GSE1: variants seen among roughly 807,000 people sequenced by gnomAD.
The protein encoded by GSE1 is genetic suppressor element 1.
GSE1 carries 32 observed loss-of-function variants against 112.6 expected under a neutral mutation model. The ratio of observed to expected loss-of-function variants is 0.28; its 90% confidence interval spans 0.21 to 0.38. GSE1 has a LOEUF of 0.38. Ranked by LOEUF, GSE1 falls within the 10% of genes least tolerant of loss-of-function variation. GSE1 has a pLI of 1.00. For synonymous variants in GSE1, 1,115 were observed against 735.6 expected (o/e 1.52, Z -8.35); for missense variants, 2,348 against 1,699.2 (o/e 1.38, Z -6.71).
chr16:85,482,995 A>AG (rs2050729401), intron 2 of GSE1, among the ~76,000 whole-genome samples: 1 of 152,248 alleles, frequency 6.6e-6, no homozygotes, highest in East Asian at 1.9e-4. Context: ...AAAAAAAAAA[A>AG]AATACCAAAC....
Position 85,404,144 on chromosome 16 carries a change from C to CCT in GSE1, c.2464+46502_2464+46503insTC, listed in dbSNP as rs2048191051. Among the ~76,000 whole-genome samples, 11 of 113,610 alleles carry CCT rather than the reference C, an allele frequency of 9.7e-5. 1 individual carries two copies. The highest frequency in any genetic ancestry group is 1.5e-4 in the Non-Finnish European group (8 of 52,912). 74.5% of individuals were successfully genotyped at this position (113,610 alleles called of 152,430 possible). Reference sequence around the variant, plus strand: ...TACACTCAGGGCCCCCCTGGATAATCCACACCGTTACACTCAGGGCCCCCC... The same window carrying CCT: ...TACACTCAGGGCCCCCCTGGATAATCCTCACACCGTTACACTCAGGGCCCCCC... On this transcript the variant is annotated intron_variant, in intron 2 of 2. Transcript: ENST00000637419.
chr16:85,554,780 GGGGA>G (rs1033728755), upstream of GSE1: 16 of 650,946 alleles, frequency 2.5e-5, no homozygotes, highest in South Asian at 6.8e-5. Flanking sequence ...AGTCGTGGGG[GGGGA>G]GGGAGGGAGG....
chr16:85,630,401 G>T (rs1202536679), intron 1 of GSE1, among the ~76,000 whole-genome samples: 1 of 152,190 alleles, frequency 6.6e-6, no homozygotes, highest in Non-Finnish European at 1.5e-5. Context: ...CTAGAGTATA[G>T]CGGTGTGATC....
intron 1 of GSE1, among the ~76,000 whole-genome samples, chr16:85,297,420 C>T (rs767951834): frequency 7.9e-5 from 12 of 152,186 alleles, no homozygotes; most frequent in East Asian, 1.9e-4. Flanking sequence ...ACCCAGATGA[C>T]GTCTTAGTTT....
chr16:85,522,212 G>A (rs2078934592), intron 2 of GSE1, among the ~76,000 whole-genome samples: 1 of 152,038 alleles, frequency 6.6e-6, no homozygotes, highest in South Asian at 2.1e-4. Flanking sequence ...ATGAGTTGTG[G>A]GATTGGCCGG....
At chr16:85,402,037 A>T (rs2048126262) in intron 2 of GSE1, among the ~76,000 whole-genome samples, 1 of 152,186 alleles carries the variant, frequency 6.6e-6, no homozygotes. Flanking sequence ...TGGAGCCCGG[A>T]GACGTTGGAG....
chr16:85,453,678 TGAG>T (rs2049746064), intron 2 of GSE1, among the ~76,000 whole-genome samples: 1 of 152,046 alleles, frequency 6.6e-6, no homozygotes, highest in African/African-American at 2.4e-5. Flanking sequence ...CTCAGGGGGC[TGAG>T]AAGAGGGGGC....
intron 7 of GSE1, 117 bp downstream of exon 7, chr16:85,656,782 C>T (rs2051996559): frequency 7.3e-7 from 1 of 1,372,466 alleles, no homozygotes; most frequent in Non-Finnish European, 9.6e-7. Context: ...TGAGTTCGCC[C>T]TAAAAGCGTG....
chr16:85,255,062 C>T (rs564530605), intron 1 of GSE1, among the ~76,000 whole-genome samples: 12 of 152,208 alleles, frequency 7.9e-5, no homozygotes, highest in Admixed American at 3.3e-4. Flanking sequence ...ATCCCGGTGC[C>T]GGAGCAGATG....
chr16:85,290,436 A>C (rs1318517827), intron 1 of GSE1, among the ~76,000 whole-genome samples: 2 of 152,148 alleles, frequency 1.3e-5, no homozygotes, highest in African/African-American at 4.8e-5. Flanking sequence ...TCTTTCTGCA[A>C]CCTCGATAGA....
At chr16:85,568,068 G>A (rs1334509704) in intron 1 of GSE1, among the ~76,000 whole-genome samples, 1 of 152,182 alleles carries the variant, frequency 6.6e-6, no homozygotes, top group Non-Finnish European at 1.5e-5. Flanking sequence ...TTCTAGAAGG[G>A]CATGGGGTTT....
chr16:85,662,390 C>T (rs553974967), intron 9 of GSE1: 1 of 153,852 alleles, frequency 6.5e-6, no homozygotes, highest in Non-Finnish European at 1.4e-5. Flanking sequence ...CAGGTCCTGT[C>T]CAGTGCTGAG....
chr16:85,502,073 C>T (rs530008281), intron 2 of GSE1, among the ~76,000 whole-genome samples: 1 of 152,030 alleles, frequency 6.6e-6, no homozygotes, highest in Non-Finnish European at 1.5e-5. Flanking sequence ...GTCAGGGGCA[C>T]TCGATGGGGG....
At chr16:85,321,114 C>T (rs1241339118) in intron 1 of GSE1, among the ~76,000 whole-genome samples, 1 of 152,210 alleles carries the variant, frequency 6.6e-6, no homozygotes, top group Non-Finnish European at 1.5e-5. Context: ...TCTGTGACAC[C>T]TCCAGGCAAC....
chr16:85,647,015 C>A (rs1231529780), intron 2 of GSE1, among the ~76,000 whole-genome samples: 1 of 152,178 alleles, frequency 6.6e-6, no homozygotes, highest in East Asian at 1.9e-4. Flanking sequence ...CCCTTCTGAC[C>A]TGGGCGGGAG....
At chr16:85,626,420 G>T (rs944605435) in intron 1 of GSE1, among the ~76,000 whole-genome samples, 1 of 152,270 alleles carries the variant, frequency 6.6e-6, no homozygotes, top group African/African-American at 2.4e-5. Context: ...CTTTGGGGGA[G>T]TGGGGATCGC....
rs60129328 is a variant in GSE1 at position 85,434,345 on chromosome 16, A to AATAATC, written c.2464+76704_2464+76705insAATCAT. 1.0e-4 allele frequency among the ~76,000 whole-genome samples: 15 copies of AATAATC among 143,498 alleles called. No individual in the cohort carries two copies. In the East Asian group the frequency reaches 2.2e-3, roughly 21 times the overall value. The allele number at this position is 143,498 out of a possible 152,430, so 94.1% of individuals were successfully genotyped here. ...TAATAATAATAATAATAATAATAATAATCAGTGCCGTCCGCCTCCTGTATA... is the reference window on the plus strand; with the variant it reads ...TAATAATAATAATAATAATAATAATAATAATCATCAGTGCCGTCCGCCTCCTGTATA... On this transcript the variant is annotated intron_variant, in intron 2 of 2. Transcript: ENST00000637419.
rs1188749931 is a variant in GSE1 at position 85,656,651 on chromosome 16, C to G, written c.1298C>G (p.Thr433Ser). The stretch of plus-strand genomic sequence containing the variant: ...CGGGGCAAGCCCTCGGAGCAGCTGA[C>G]CCCAACCCGAGCAGGTACCTGGGCG... Reference protein sequence around the residue: ...EERGKPSEQLTPTRAEKLKDA... With the variant: ...EERGKPSEQLSPTRAEKLKDA... Residue 433 changes from threonine to serine, a missense_variant, in exon 7 of 16, where the codon ACC (threonine) becomes AGC (serine). By Grantham distance (58) the Thr-to-Ser change is moderately conservative. Transcript: ENST00000253458. 1 of 1,522,396 alleles carries G rather than the reference C, an allele frequency of 6.6e-7. No individual in the cohort carries two copies. The highest frequency in any genetic ancestry group is 2.1e-5 in the Admixed American group (1 of 48,728). 94.3% of individuals were successfully genotyped at this position (1,522,396 alleles called of 1,614,324 possible). A position where few individuals can be genotyped will look rare whatever the true frequency, so the allele number is the denominator to read the frequency against.
intron 2 of GSE1, among the ~76,000 whole-genome samples, chr16:85,377,241 GTC>G (rs1185504996): frequency 2.0e-5 from 3 of 152,172 alleles, no homozygotes; most frequent in African/African-American, 7.2e-5. Flanking sequence ...CTCTGGGTGT[GTC>G]ACGCATCCCA....
Sources: gnomAD v4.1 joint callset for allele counts (sites outside exome capture counted in the v4.1 genomes callset) on GRCh38, gnomAD v4.1.1 for gene constraint, MANE v1.5 for transcripts, NCBI Gene and HGNC (gene_info 2026-07-23, HGNC 2026-07-21) for gene names.